RGSL1: variants seen among roughly 807,000 people sequenced by gnomAD.
RGSL1 encodes regulator of G protein signaling protein-like.
RGSL1 carries 97 observed loss-of-function variants against 124.7 expected under a neutral mutation model. The ratio of observed to expected loss-of-function variants is 0.78; its 90% confidence interval spans 0.66 to 0.92. The LOEUF is 0.92. Among genes scored for constraint, RGSL1 ranks in the 40% least tolerant of loss-of-function variants. The probability of loss-of-function intolerance (pLI) is 0.00; values close to 1 mark genes in which losing one functional copy is unlikely to be tolerated. For synonymous variants in RGSL1, 424 were observed against 438.1 expected (o/e 0.97, Z 0.40); for missense variants, 1,233 against 1,288.4 (o/e 0.96, Z 0.66).
At chr1:182,513,059 G>A (rs1228025620) in intron 9 of RGSL1, among the ~76,000 whole-genome samples, 2 of 152,230 alleles carry the variant, frequency 1.3e-5, no homozygotes, top group African/African-American at 4.8e-5. Context: ...AGGAATGCCT[G>A]TTCCCATTTA....
chr1:182,482,501 A>T (rs1654785933), intron 6 of RGSL1, among the ~76,000 whole-genome samples: 1 of 152,266 alleles, frequency 6.6e-6, no homozygotes, highest in South Asian at 2.1e-4. Context: ...ACATGATCTT[A>T]TATGTAGATA....
chr1:182,519,781 T>C (rs1344527587), intron 9 of RGSL1, among the ~76,000 whole-genome samples: 1 of 152,164 alleles, frequency 6.6e-6, no homozygotes, highest in Non-Finnish European at 1.5e-5. Context: ...AGTCTGGATA[T>C]GTCCTTTGCA....
chr1:182,525,029 G>GACACTTTAGTAGCCACACACTTT (rs1230318929), intron 10 of RGSL1, among the ~76,000 whole-genome samples: 3 of 152,200 alleles, frequency 2.0e-5, no homozygotes, highest in Non-Finnish European at 2.9e-5. Flanking sequence ...AAACTGAGCA[G>GACACTTTAGTAGCCACACACTTT]ACACTTTAGT....
intron 21 of RGSL1, among the ~76,000 whole-genome samples, chr1:182,556,665 C>T (rs1660882897): frequency 6.6e-6 from 1 of 152,118 alleles, no homozygotes; most frequent in African/African-American, 2.4e-5. Context: ...TGTTCTATGC[C>T]AACCTTTTAT....
intron 4 of RGSL1, among the ~76,000 whole-genome samples, chr1:182,469,518 A>G (rs1416063457): frequency 3.3e-5 from 5 of 152,204 alleles, no homozygotes; most frequent in African/African-American, 1.2e-4. Flanking sequence ...AGCGTTGGTG[A>G]GGATGTGGAG....
chr1:182,516,622 T>C (rs925534561), intron 9 of RGSL1, among the ~76,000 whole-genome samples: 2 of 152,222 alleles, frequency 1.3e-5, no homozygotes, highest in Non-Finnish European at 2.9e-5. Context: ...GATTTTTGCA[T>C]TGTGGTTACC....
chr1:182,516,731 T>A (rs1222783247), intron 9 of RGSL1, among the ~76,000 whole-genome samples: 15 of 152,062 alleles, frequency 9.9e-5, no homozygotes, highest in Non-Finnish European at 2.2e-4. Flanking sequence ...TTTTAAAAAA[T>A]TTTTACACTT....
intron 9 of RGSL1, among the ~76,000 whole-genome samples, chr1:182,496,702 A>G (rs1655939258): frequency 6.6e-6 from 1 of 152,218 alleles, no homozygotes; most frequent in Non-Finnish European, 1.5e-5. Flanking sequence ...GGGTCCCCCT[A>G]ACATCTGGCA....
At chr1:182,473,550 C>A in intron 5 of RGSL1, 25 bp from the exon 6 acceptor site, 1 of 1,493,708 alleles carries the variant, frequency 6.7e-7, no homozygotes, top group Non-Finnish European at 8.9e-7. Context: ...CATTTTCACC[C>A]ATGATTTCTC....
At chr1:182,554,603 A>C in intron 19 of RGSL1, 24 bp from the exon 20 acceptor site, 1 of 1,550,244 alleles carries the variant, frequency 6.5e-7, no homozygotes. Context: ...TCCTGATGCA[A>C]TTTTTCTCTG....
intron 6 of RGSL1, among the ~76,000 whole-genome samples, chr1:182,487,223 G>A (rs763489164): frequency 5.9e-5 from 9 of 152,110 alleles, no homozygotes; most frequent in South Asian, 4.2e-4. Flanking sequence ...TCACCTTTTC[G>A]CTGCATGATT....
intron 13 of RGSL1, 132 bp from the exon 14 acceptor site, chr1:182,532,530 G>C: frequency 1.3e-6 from 1 of 776,846 alleles, no homozygotes; most frequent in Non-Finnish European, 2.0e-6. Flanking sequence ...TTAAATTGGA[G>C]CTAAAAATTA....
At chr1:182,518,245 G>C (rs1313876917) in intron 9 of RGSL1, among the ~76,000 whole-genome samples, 1 of 152,070 alleles carries the variant, frequency 6.6e-6, no homozygotes, top group African/African-American at 2.4e-5. Context: ...TGTTGCCCAA[G>C]CTGGTCTACT....
intron 14 of RGSL1, among the ~76,000 whole-genome samples, chr1:182,539,778 C>G (rs751422529): frequency 2.6e-5 from 4 of 152,210 alleles, no homozygotes; most frequent in Non-Finnish European, 5.9e-5. Flanking sequence ...TTAGTCTCTT[C>G]TGTACTCTAG....
At chr1:182,482,899 GA>G (rs1339092803) in intron 6 of RGSL1, among the ~76,000 whole-genome samples, 37 of 152,182 alleles carry the variant, frequency 2.4e-4, no homozygotes, top group Admixed American at 1.2e-3. Context: ...AATGGATAAA[GA>G]AAATGTGGTG....
At chr1:182,473,499 T>C in intron 5 of RGSL1, 76 bp from the exon 6 acceptor site, 2 of 1,434,574 alleles carry the variant, frequency 1.4e-6, no homozygotes, top group Non-Finnish European at 1.8e-6. Context: ...TGAAAAAAAT[T>C]AAAAACCTCT....
chr1:182,507,666 T>C (rs904087742), intron 9 of RGSL1, among the ~76,000 whole-genome samples: 3 of 152,190 alleles, frequency 2.0e-5, no homozygotes, highest in African/African-American at 7.2e-5. Context: ...ATCTTGGCTA[T>C]TGTGAATAGT....
At chr1:182,483,966 T>C (rs1345375046) in intron 6 of RGSL1, among the ~76,000 whole-genome samples, 2 of 152,060 alleles carry the variant, frequency 1.3e-5, no homozygotes, top group Non-Finnish European at 2.9e-5. Flanking sequence ...CCTGAGCCAA[T>C]AGGGCTCAGT....
At chr1:182,497,266 T>TATGTGTGTGTGTGTGC (rs1371765775) in intron 9 of RGSL1, among the ~76,000 whole-genome samples, 4 of 149,726 alleles carry the variant, frequency 2.7e-5, no homozygotes, top group Admixed American at 1.3e-4. Flanking sequence ...AGACTGTGTG[T>TATGTGTGTGTGTGTGC]ATGTGTGTGT....
Sources: allele counts gnomAD v4.1 joint callset (sites outside exome capture counted in the v4.1 genomes callset), GRCh38; gene constraint gnomAD v4.1.1; transcripts MANE v1.5; gene names NCBI Gene and HGNC (gene_info 2026-07-23, HGNC 2026-07-21).